Variants in PEPD observed in about 807,000 individuals in gnomAD.
PEPD encodes xaa-Pro dipeptidase.
PEPD carries 53 observed loss-of-function variants against 60.7 expected under a neutral mutation model. The ratio of observed to expected loss-of-function variants is 0.87; its 90% CI spans 0.70 to 1.10. The LOEUF is 1.10. Among genes scored for constraint, PEPD ranks in the 50% least tolerant of loss-of-function variants. PEPD has a pLI of 0.00. For synonymous variants in PEPD, 267 were observed against 284.1 expected (o/e 0.94, Z 0.60); for missense variants, 711 against 711.9 (o/e 1.00, Z 0.01).
intron 4 of PEPD, among the ~76,000 whole-genome samples, chr19:33,498,225 C>G (rs1340599516): frequency 6.6e-6 from 1 of 152,158 alleles, no homozygotes; most frequent in African/African-American, 2.4e-5. Flanking sequence ...TCTGCAATGG[C>G]AGTGGCGTTG....
intron 9 of PEPD, among the ~76,000 whole-genome samples, chr19:33,415,385 C>T (rs1025245062): frequency 4.6e-5 from 7 of 152,118 alleles, no homozygotes; most frequent in Non-Finnish European, 8.8e-5. Flanking sequence ...AAGAAAGGAG[C>T]GGCAGGCCGG....
At chr19:33,503,279 G>C (rs933523987) in intron 3 of PEPD, among the ~76,000 whole-genome samples, 2 of 152,208 alleles carry the variant, frequency 1.3e-5, no homozygotes, top group African/African-American at 2.4e-5. Context: ...GTAATCAATG[G>C]ACTGCTCAGT....
In PEPD at chr19:33,387,290, C is replaced by T. The variant is rs761144915; in HGVS notation, c.*54G>A. The T allele has an allele frequency of 1.1e-5, 18 of 1,608,174 alleles. No individual in the cohort carries two copies. The highest frequency in any genetic ancestry group is 1.3e-5 in the Non-Finnish European group (15 of 1,177,270). ...GTGCTGACCAGCAGGCTGCCCATCA[C>T]GAAAAGAGGTTGCAAGGCCAGGCCC... is the stretch of plus-strand genomic sequence containing the variant. On this transcript the variant is annotated 3_prime_UTR_variant, in exon 15 of 15. Transcript: ENST00000244137.
At chr19:33,484,253 T>C (rs1477776600) in intron 6 of PEPD, among the ~76,000 whole-genome samples, 5 of 152,050 alleles carry the variant, frequency 3.3e-5, no homozygotes, top group African/African-American at 9.7e-5. Context: ...AACTACAAAA[T>C]AGACTCTGGC....
intron 1 of PEPD, among the ~76,000 whole-genome samples, chr19:33,515,183 C>T (rs188920164): frequency 1.3e-5 from 2 of 152,292 alleles, no homozygotes; most frequent in Middle Eastern, 3.4e-3. Context: ...GAATGACACA[C>T]GGGGCCACAC....
intron 7 of PEPD, among the ~76,000 whole-genome samples, chr19:33,474,584 T>C: frequency 6.6e-6 from 1 of 152,008 alleles, no homozygotes; most frequent in East Asian, 1.9e-4. Context: ...AGGCGGGGGC[T>C]GAGGCACAAG....
At chr19:33,463,920 C>T (rs1290391140) in intron 8 of PEPD, 67 bp downstream of exon 8, 3 of 1,048,754 alleles carry the variant, frequency 2.9e-6, no homozygotes, top group Non-Finnish European at 4.4e-6. Flanking sequence ...CCTTCATCCT[C>T]ACGCAGTTCT....
chr19:33,426,972 C>A (rs201433406), intron 9 of PEPD, among the ~76,000 whole-genome samples: 3 of 152,224 alleles, frequency 2.0e-5, no homozygotes, highest in Non-Finnish European at 4.4e-5. Flanking sequence ...CCACCGCGTG[C>A]GGCTGTGTTT....
intron 7 of PEPD, among the ~76,000 whole-genome samples, chr19:33,474,281 T>C (rs1283761547): frequency 6.6e-6 from 1 of 152,212 alleles, no homozygotes; most frequent in African/African-American, 2.4e-5. Flanking sequence ...GGATCAACAG[T>C]CTGGGCTCAA....
intron 9 of PEPD, among the ~76,000 whole-genome samples, chr19:33,433,598 G>T (rs907557682): frequency 2.0e-5 from 3 of 152,174 alleles, no homozygotes; most frequent in Admixed American, 6.5e-5. Flanking sequence ...TGTCAAATGA[G>T]AAACATTAAG....
At chr19:33,428,534 C>T (rs574092413) in intron 9 of PEPD, among the ~76,000 whole-genome samples, 10 of 150,004 alleles carry the variant, frequency 6.7e-5, no homozygotes, top group South Asian at 4.2e-4. Context: ...AGGATGTCCA[C>T]GCTCCACCTC....
chr19:33,443,207 C>T (rs1371554038), intron 9 of PEPD, among the ~76,000 whole-genome samples: 2 of 152,224 alleles, frequency 1.3e-5, no homozygotes, highest in Non-Finnish European at 2.9e-5. Flanking sequence ...CACTGAACAC[C>T]ATGTTTTCAA....
At chr19:33,472,507 C>A (rs1970138952) in intron 7 of PEPD, among the ~76,000 whole-genome samples, 1 of 152,182 alleles carries the variant, frequency 6.6e-6, no homozygotes, top group African/African-American at 2.4e-5. Flanking sequence ...AGTCTCCTAC[C>A]CCATGTAGGC....
At chr19:33,425,803 G>A (rs924322586) in intron 9 of PEPD, among the ~76,000 whole-genome samples, 3 of 152,148 alleles carry the variant, frequency 2.0e-5, no homozygotes, top group African/African-American at 7.2e-5. Context: ...GGGAGATCCC[G>A]CCTTAAGGCT....
intron 6 of PEPD, among the ~76,000 whole-genome samples, chr19:33,483,317 A>G (rs1315332734): frequency 6.6e-6 from 1 of 152,212 alleles, no homozygotes; most frequent in Non-Finnish European, 1.5e-5. Flanking sequence ...AAATCTACAA[A>G]GCCAAAAGCT....
intron 9 of PEPD, among the ~76,000 whole-genome samples, chr19:33,417,856 C>T (rs965928536): frequency 6.6e-6 from 1 of 152,218 alleles, no homozygotes; most frequent in African/African-American, 2.4e-5. Flanking sequence ...ACACCCACTC[C>T]CGCACCCTCC....
chr19:33,423,055 G>A (rs1232284745), intron 9 of PEPD, among the ~76,000 whole-genome samples: 2 of 145,814 alleles, frequency 1.4e-5, no homozygotes, highest in African/African-American at 2.6e-5. Context: ...ATCTATCAAG[G>A]TGATGATCAT....
intron 6 of PEPD, among the ~76,000 whole-genome samples, chr19:33,485,474 C>T (rs1970379380): frequency 8.1e-6 from 1 of 124,160 alleles, no homozygotes; most frequent in South Asian, 2.4e-4. Flanking sequence ...GCCTGGGCAA[C>T]AGAGCAAGAC....
At chr19:33,443,293 C>A (rs1420283479) in intron 9 of PEPD, among the ~76,000 whole-genome samples, 1 of 152,254 alleles carries the variant, frequency 6.6e-6, no homozygotes, top group Non-Finnish European at 1.5e-5. Flanking sequence ...TATGGCTAGA[C>A]TGCACACCAC....
Sources: gnomAD v4.1 joint callset for allele counts (sites outside exome capture counted in the v4.1 genomes callset) on GRCh38, gnomAD v4.1.1 for gene constraint, MANE v1.5 for transcripts, NCBI Gene and HGNC (gene_info 2026-07-23, HGNC 2026-07-21) for gene names.